B3GALT1: variants seen among roughly 807,000 people sequenced by gnomAD.
The protein encoded by B3GALT1 is beta-1,3-galactosyltransferase 1, also known as UDP-Gal:betaGlcNAc beta 1,3-galactosyltransferase, polypeptide 1.
B3GALT1 carries 10 observed loss-of-function variants against 23.2 expected under a neutral mutation model. That is an observed-to-expected ratio of 0.43 (90% CI 0.27 to 0.73). The LOEUF (loss-of-function observed/expected upper bound fraction) is 0.73. Ranked by LOEUF, B3GALT1 falls within the 30% of genes least tolerant of loss-of-function variation. B3GALT1 has a pLI of 0.21. For missense variants in B3GALT1, 299 were observed against 405.4 expected (o/e 0.74, Z 2.25); for synonymous variants, 156 against 141.5 (o/e 1.10, Z -0.73).
intron 3 of B3GALT1, chr2:167,714,356 G>T (rs1687110328): frequency 2.0e-6 from 3 of 1,498,530 alleles, no homozygotes; most frequent in Non-Finnish European, 9.3e-7. Context: ...TCTTTTATTG[G>T]TAATCTGATG....
chr2:167,854,865 C>G (rs1362963625), intron 4 of B3GALT1, among the ~76,000 whole-genome samples: 1 of 152,182 alleles, frequency 6.6e-6, no homozygotes, highest in Non-Finnish European at 1.5e-5. Context: ...CTGATGCCAT[C>G]TCTTAAGTTC....
chr2:167,783,362 G>C (rs1412579339), intron 3 of B3GALT1, among the ~76,000 whole-genome samples: 1 of 152,110 alleles, frequency 6.6e-6, no homozygotes, highest in Non-Finnish European at 1.5e-5. Flanking sequence ...GATGGTAAAA[G>C]CTGAGAGTCC....
At chr2:167,445,830 G>A (rs1476207777) in intron 1 of B3GALT1, among the ~76,000 whole-genome samples, 4 of 152,114 alleles carry the variant, frequency 2.6e-5, no homozygotes, top group Non-Finnish European at 4.4e-5. Flanking sequence ...TTGCCAGTGT[G>A]TGTCTTTTAA....
rs185048996 is a variant in B3GALT1, at chr2:167,685,963, T to C, written c.-352+38997T>C. ...AAAAAGGTCACTTTTAATTTATTTATTATTGGTTTGCTTTACTGAAAACTA... is the reference window on the plus strand; with the variant it reads ...AAAAAGGTCACTTTTAATTTATTTACTATTGGTTTGCTTTACTGAAAACTA... On this transcript the variant is annotated intron_variant, in intron 3 of 4. Transcript: ENST00000392690. 4.3e-3 allele frequency among the ~76,000 whole-genome samples: 655 copies of C among 152,348 alleles called. 1 individual carries two copies. The highest frequency in any genetic ancestry group is 6.8e-3 in the Non-Finnish European group (463 of 68,034).
Position 167,641,058 on chromosome 2 carries a change from C to A in B3GALT1, c.-409-5851C>A, listed in dbSNP as rs150022639. 4.2e-3 allele frequency among the ~76,000 whole-genome samples: 639 copies of A among 152,212 alleles called. 3 individuals carry two copies. Among genetic ancestry groups the A allele is most frequent in the African/African-American group, 0.015 (605 of 41,536 alleles). On this transcript the variant is annotated intron_variant, in intron 2 of 4. Coordinates refer to ENST00000392690, the MANE Select transcript of B3GALT1 (RefSeq NM_020981.4). ...CCGTTAACCTCTTCCTAATCCTACA[C>A]CTAGTAAACAGTAATTGAGAAATTT...
chr2:167,677,812 C>G lies in B3GALT1; in HGVS notation c.-352+30846C>G, dbSNP rs547968478. On this transcript the variant is annotated intron_variant, in intron 3 of 4. Coordinates refer to ENST00000392690, the MANE Select transcript of B3GALT1 (RefSeq NM_020981.4). ...CACAGTTCTGCATGGCTTGGGAGGC[C>G]TCAGGAAACTTACAATCATGGCAGA... 9.2e-5 allele frequency among the ~76,000 whole-genome samples: 14 copies of G among 152,254 alleles called. 1 individual carries two copies. The South Asian group carries it at 2.7e-3, about 29-fold the overall frequency.
In B3GALT1 at chr2:167,643,663, A is replaced by G. The variant is rs77777366; in HGVS notation, c.-409-3246A>G. 7.4e-3 allele frequency among the ~76,000 whole-genome samples: 1,120 copies of G among 152,260 alleles called. 10 individuals are homozygous for G. The highest frequency in any genetic ancestry group is 0.024 in the African/African-American group (999 of 41,512). ...ATCATGCTAAATGGGAGAGGTCTCC[A>G]TACACCCAGCCCTCCTAGAATTAAC... On this transcript the variant is annotated intron_variant, in intron 2 of 4. Coordinates refer to ENST00000392690, the MANE Select transcript of B3GALT1 (RefSeq NM_020981.4).
At chr2:167,794,173 A>G (rs1007378716) in intron 3 of B3GALT1, among the ~76,000 whole-genome samples, 1 of 152,196 alleles carries the variant, frequency 6.6e-6, no homozygotes, top group Non-Finnish European at 1.5e-5. Context: ...AAATATTTCT[A>G]GTATTTCTTG....
chr2:167,501,032 T>G (rs1311750246), intron 2 of B3GALT1, among the ~76,000 whole-genome samples: 1 of 152,092 alleles, frequency 6.6e-6, no homozygotes, highest in Non-Finnish European at 1.5e-5. Context: ...AGAGAACCCA[T>G]TTAAAATAGA....
chr2:167,595,102 G>A (rs1684754256), intron 2 of B3GALT1, among the ~76,000 whole-genome samples: 2 of 152,112 alleles, frequency 1.3e-5, no homozygotes, highest in Admixed American at 1.3e-4. Flanking sequence ...GAAAGCAAAT[G>A]TGGAGCTGGA....
chr2:167,639,808 T>A (rs1231141979), intron 2 of B3GALT1, among the ~76,000 whole-genome samples: 1 of 152,058 alleles, frequency 6.6e-6, no homozygotes, highest in African/African-American at 2.4e-5. Context: ...AATAATTAAG[T>A]TGACATCCAA....
chr2:167,674,178 T>C (rs1013389380), intron 3 of B3GALT1, among the ~76,000 whole-genome samples: 1 of 152,148 alleles, frequency 6.6e-6, no homozygotes, highest in African/African-American at 2.4e-5. Context: ...TTTAGGGCCT[T>C]TGCAACTGTG....
At chr2:167,319,450 A>C (rs1696770725) in intron 1 of B3GALT1, among the ~76,000 whole-genome samples, 1 of 152,122 alleles carries the variant, frequency 6.6e-6, no homozygotes, top group African/African-American at 2.4e-5. Context: ...TTCAGTTATC[A>C]AATACCTATG....
chr2:167,555,377 G>A (rs1308340273), intron 2 of B3GALT1, among the ~76,000 whole-genome samples: 1 of 152,152 alleles, frequency 6.6e-6, no homozygotes, highest in Admixed American at 6.5e-5. Context: ...CTCATAAGCT[G>A]AGATAGAACT....
chr2:167,577,515 T>C (rs985185091), intron 2 of B3GALT1, among the ~76,000 whole-genome samples: 1 of 151,918 alleles, frequency 6.6e-6, no homozygotes, highest in Non-Finnish European at 1.5e-5. Flanking sequence ...TGTTTAAGAA[T>C]GATAGACAAT....
intron 2 of B3GALT1, among the ~76,000 whole-genome samples, chr2:167,638,908 A>C: frequency 6.6e-6 from 1 of 152,040 alleles, no homozygotes; most frequent in East Asian, 1.9e-4. Flanking sequence ...AACTTGGGCA[A>C]ATTACTTTTC....
intron 1 of B3GALT1, among the ~76,000 whole-genome samples, chr2:167,301,966 A>T (rs1048369630): frequency 6.6e-6 from 1 of 152,210 alleles, no homozygotes; most frequent in African/African-American, 2.4e-5. Context: ...GATACTTAAA[A>T]ATACTCTTTG....
chr2:167,782,076 C>A (rs1393607963), intron 3 of B3GALT1, among the ~76,000 whole-genome samples: 1 of 152,088 alleles, frequency 6.6e-6, no homozygotes, highest in Non-Finnish European at 1.5e-5. Flanking sequence ...ATGGGGGAAG[C>A]CAGAGATAAG....
intron 2 of B3GALT1, among the ~76,000 whole-genome samples, chr2:167,525,166 A>G (rs937482784): frequency 2.0e-5 from 3 of 152,190 alleles, no homozygotes; most frequent in Non-Finnish European, 4.4e-5. Flanking sequence ...TCACTTCAAC[A>G]TGTCTCTATA....
Sources: allele counts gnomAD v4.1 joint callset (sites outside exome capture counted in the v4.1 genomes callset), GRCh38; gene constraint gnomAD v4.1.1; transcripts MANE v1.5; gene names NCBI Gene and HGNC (gene_info 2026-07-23, HGNC 2026-07-21).